ZDHHC21: variants seen among roughly 807,000 people sequenced by gnomAD.
ZDHHC21 encodes the protein palmitoyltransferase ZDHHC21.
In ZDHHC21, 15 loss-of-function variants were observed where a neutral mutation model predicts 34.6. That is an observed-to-expected ratio of 0.43 (90% CI 0.29 to 0.67). The LOEUF (loss-of-function observed/expected upper bound fraction) is 0.67, where lower values mean the gene tolerates loss of function less well. Ranked by LOEUF, ZDHHC21 falls within the 30% of genes least tolerant of loss-of-function variation. The pLI, the probability that ZDHHC21 is intolerant of heterozygous loss-of-function variation, is 0.14. For synonymous variants in ZDHHC21, 142 were observed against 101.8 expected (o/e 1.40, Z -2.38); for missense variants, 344 against 327.7 (o/e 1.05, Z -0.38).
intron 5 of ZDHHC21, among the ~76,000 whole-genome samples, chr9:14,662,898 G>A (rs1167372980): frequency 6.6e-6 from 1 of 152,248 alleles, no homozygotes; most frequent in East Asian, 1.9e-4. Flanking sequence ...GGTTAGAGAA[G>A]GATGTCATAT....
In ZDHHC21 at chr9:14,611,216, A is replaced by G. The variant is rs1429837972; in HGVS notation, c.*7750T>C. On this transcript the variant is annotated 3_prime_UTR_variant, in exon 10 of 10. Coordinates refer to ENST00000380916, the MANE Select transcript of ZDHHC21 (RefSeq NM_178566.6). ...ATTACGTGAAAAAAACTAAATCGCT[A>G]CAATAAATTAAAAACAACAACATTG... is the stretch of plus-strand genomic sequence containing the variant. 6.6e-6 allele frequency: 1 copy of G among 152,072 alleles called. No homozygotes were observed. The highest frequency in any genetic ancestry group is 1.5e-5 in the Non-Finnish European group (1 of 67,960). The allele number at this position is 152,072 out of a possible 1,614,324, so 9.4% of individuals were successfully genotyped here.
chr9:14,658,823 G>C lies in ZDHHC21; in HGVS notation c.430C>G (p.Leu144Val). 1 of 1,613,558 alleles carries C rather than the reference G, an allele frequency of 6.2e-7. No individual in the cohort carries two copies. ...AACATCAGTGCGTAGCAAGTAAGAA[G>C]TTCAGTGTAGAAACACAACTGCAGA... ...LFLQLCFYTE[L>V]LTCYALMFSF... The change falls in exon 7 of 10, where the codon CTT becomes GTT. Residue 144 changes from leucine to valine, a missense_variant. Transcript: ENST00000380916.
rs1824534865 is a variant in ZDHHC21 at position 14,617,876 on chromosome 9, T to A, written c.*1090A>T. The A allele has an allele frequency of 6.6e-6, 1 of 151,980 alleles. No individual in the cohort carries two copies. Among genetic ancestry groups the A allele is most frequent in the South Asian group, 2.1e-4 (1 of 4,824 alleles). 9.4% of individuals were successfully genotyped at this position (151,980 alleles called of 1,614,324 possible). Reference sequence around the variant, plus strand: ...TAAAATTTAATTTTAATTTAGGGATTATAGGTACACAAAGTTAGTGACTTT... The same window carrying A: ...TAAAATTTAATTTTAATTTAGGGATAATAGGTACACAAAGTTAGTGACTTT... On this transcript the variant is annotated 3_prime_UTR_variant, in exon 10 of 10. Coordinates refer to ENST00000380916, the MANE Select transcript of ZDHHC21 (RefSeq NM_178566.6).
intron 7 of ZDHHC21, among the ~76,000 whole-genome samples, chr9:14,654,838 A>C (rs536928066): frequency 7.2e-5 from 11 of 152,148 alleles, no homozygotes; most frequent in Admixed American, 4.6e-4. Flanking sequence ...TAAAAAAGGA[A>C]AGTTAAGAAA....
chr9:14,631,869 A>G (rs549172005), intron 8 of ZDHHC21, among the ~76,000 whole-genome samples: 1 of 152,312 alleles, frequency 6.6e-6, no homozygotes, highest in South Asian at 2.1e-4. Flanking sequence ...AATAATTACA[A>G]TAGTAACATC....
intron 2 of ZDHHC21, among the ~76,000 whole-genome samples, chr9:14,688,432 G>GT (rs1414227202): frequency 1.3e-5 from 2 of 150,828 alleles, no homozygotes; most frequent in Non-Finnish European, 2.9e-5. Context: ...TAATGAAACA[G>GT]TTTAACAATA....
chr9:14,675,642 C>T (rs142617838), intron 3 of ZDHHC21, among the ~76,000 whole-genome samples: 159 of 152,012 alleles, frequency 1.0e-3, no homozygotes, highest in East Asian at 2.1e-3. Context: ...TTGCTAGACA[C>T]TGCAGATACA....
chr9:14,656,490 T>C (rs1419545082), intron 7 of ZDHHC21, among the ~76,000 whole-genome samples: 1 of 151,892 alleles, frequency 6.6e-6, no homozygotes, highest in African/African-American at 2.4e-5. Flanking sequence ...TAATATATCA[T>C]AAACAAAACT....
the ZDHHC21 span, among the ~76,000 whole-genome samples, chr9:14,599,871 A>G: frequency 6.6e-6 from 1 of 152,192 alleles, no homozygotes; most frequent in Non-Finnish European, 1.5e-5. Flanking sequence ...CAATAAACAT[A>G]ATCCATCATA....
At chr9:14,630,143 A>C (rs1163241256) in intron 8 of ZDHHC21, among the ~76,000 whole-genome samples, 3 of 152,242 alleles carry the variant, frequency 2.0e-5, no homozygotes, top group Non-Finnish European at 2.9e-5. Flanking sequence ...GCAATTTGAT[A>C]GCACTTTACC....
chr9:14,622,058 T>C (rs1825402534), intron 8 of ZDHHC21, among the ~76,000 whole-genome samples: 1 of 152,050 alleles, frequency 6.6e-6, no homozygotes, highest in Non-Finnish European at 1.5e-5. Context: ...AATTCACTTG[T>C]CCAGGAATGA....
intron 8 of ZDHHC21, among the ~76,000 whole-genome samples, chr9:14,639,453 G>A (rs1303981960): frequency 6.6e-6 from 1 of 152,074 alleles, no homozygotes; most frequent in Admixed American, 6.6e-5. Context: ...ACAGTAGGGT[G>A]ACTACAGTCA....
At chr9:14,671,919 C>T (rs1835527740) in intron 5 of ZDHHC21, among the ~76,000 whole-genome samples, 2 of 151,942 alleles carry the variant, frequency 1.3e-5, no homozygotes, top group African/African-American at 4.8e-5. Context: ...TGTTTTATTT[C>T]AAATACACAC....
At chr9:14,686,192 T>A (rs1838297214) in intron 2 of ZDHHC21, among the ~76,000 whole-genome samples, 2 of 151,490 alleles carry the variant, frequency 1.3e-5, no homozygotes, top group Admixed American at 6.6e-5. Context: ...ACCCTAGAAC[T>A]TAAAGTATAA....
the ZDHHC21 span, among the ~76,000 whole-genome samples, chr9:14,601,149 T>C: frequency 1.3e-5 from 2 of 151,964 alleles, no homozygotes; most frequent in Non-Finnish European, 2.9e-5. Flanking sequence ...AATTGACAAA[T>C]GGGATCTAAT....
the ZDHHC21 span, among the ~76,000 whole-genome samples, chr9:14,593,094 C>T: frequency 1.3e-5 from 2 of 151,596 alleles, no homozygotes; most frequent in Non-Finnish European, 1.5e-5. Flanking sequence ...GCTTCCATCT[C>T]AAAAAGTAAA....
At chr9:14,677,697 C>T (rs1292111253) in intron 3 of ZDHHC21, among the ~76,000 whole-genome samples, 1 of 152,004 alleles carries the variant, frequency 6.6e-6, no homozygotes, top group African/African-American at 2.4e-5. Context: ...ACTACAGTGA[C>T]TAAATGATGT....
At chr9:14,676,898 C>A (rs967245212) in intron 3 of ZDHHC21, among the ~76,000 whole-genome samples, 3 of 151,900 alleles carry the variant, frequency 2.0e-5, no homozygotes, top group Non-Finnish European at 4.4e-5. Context: ...ATTTTATGTA[C>A]CTTTCTTTCT....
chr9:14,610,165 T>C (rs1324312609), downstream of ZDHHC21, among the ~76,000 whole-genome samples: 3 of 152,050 alleles, frequency 2.0e-5, no homozygotes, highest in Admixed American at 6.6e-5. Context: ...CAATAAATAC[T>C]GATAAACATA....
Sources: gnomAD v4.1 joint callset for allele counts (sites outside exome capture counted in the v4.1 genomes callset) on GRCh38, gnomAD v4.1.1 for gene constraint, MANE v1.5 for transcripts, NCBI Gene and HGNC (gene_info 2026-07-23, HGNC 2026-07-21) for gene names.